Variants in HLA-DOB observed in about 807,000 individuals in gnomAD.
HLA-DOB encodes major histocompatibility complex, class II, DO beta.
HLA-DOB carries 25 observed loss-of-function variants against 27.7 expected under a neutral mutation model. The observed-to-expected ratio is 0.90, with a 90% confidence interval of 0.66 to 1.26. The LOEUF is 1.26. Among genes scored for constraint, HLA-DOB ranks in the 50% most tolerant of loss-of-function variants. HLA-DOB has a pLI of 0.00. For missense variants in HLA-DOB, 306 were observed against 324.9 expected, an observed-to-expected ratio of 0.94 and a Z score of 0.45; for synonymous variants, 137 against 125.6, an observed-to-expected ratio of 1.09 and a Z score of -0.61.
intron 1 of HLA-DOB, among the ~76,000 whole-genome samples, chr6:32,816,653 T>G (rs1209317577): frequency 6.6e-6 from 1 of 152,164 alleles, no homozygotes; most frequent in Admixed American, 6.5e-5. Context: ...CCTGCCTCCC[T>G]ACCCCTTGAA....
chr6:32,813,878 TAAAGCAC>T, intron 3 of HLA-DOB, 45 bp from the exon 4 acceptor site: 2 of 1,172,922 alleles, frequency 1.7e-6, no homozygotes, highest in Non-Finnish European at 2.5e-6. Context: ...TCCCAATATT[TAAAGCAC>T]TTTCTTGGAA....
Position 32,814,376 on chromosome 6 carries a change from A to T in HLA-DOB, c.587T>A (p.Val196Asp), listed in dbSNP as rs762756450. 2.5e-6 allele frequency: 4 copies of T among 1,613,072 alleles called. No individual in the cohort carries two copies. The Admixed American group carries it at 6.7e-5, about 27-fold the overall frequency. ...MLEMTPELGH[V>D]YTCLVDHSSL... ...GGAGTGATCGACAAGGCAGGTGTAGACATGTCCAAGTTCAGGAGTCATTTC... is the reference window on the plus strand; with the variant it reads ...GGAGTGATCGACAAGGCAGGTGTAGTCATGTCCAAGTTCAGGAGTCATTTC... The change falls in exon 3 of 6, where the codon GTC becomes GAC. Residue 196 changes from valine (V) to aspartate (D), a missense_variant. Val to Asp is a radical substitution (Grantham distance 152). Transcript: ENST00000438763.
At position 32,814,319 on chromosome 6, in the gene HLA-DOB, C is replaced by T; in HGVS notation, c.643+1G>A. On this transcript the variant is annotated splice_donor_variant, in intron 3 of 5. Transcript: ENST00000438763. LOFTEE classifies it high-confidence loss of function. ...AGAGAGTACTAGAAACTAATTCTCACTCCACTCCACAGAAACAGGGCTCAG... is the reference window on the plus strand; with the variant it reads ...AGAGAGTACTAGAAACTAATTCTCATTCCACTCCACAGAAACAGGGCTCAG... 1 of 1,612,756 alleles carries T rather than the reference C, an allele frequency of 6.2e-7. No homozygotes were observed. The highest frequency in any genetic ancestry group is 8.5e-7 in the Non-Finnish European group (1 of 1,179,846).
intron 1 of HLA-DOB, among the ~76,000 whole-genome samples, chr6:32,816,399 TG>T (rs1284461726): frequency 6.6e-6 from 1 of 152,222 alleles, no homozygotes; most frequent in African/African-American, 2.4e-5. Context: ...AATATAATAG[TG>T]GCTTAATAAA....
Position 32,814,466 on chromosome 6 carries a change from G to A in HLA-DOB, c.497C>T (p.Ala166Val). 6.2e-7 allele frequency: 1 copy of A among 1,613,058 alleles called. No homozygotes were observed. Among genetic ancestry groups the A allele is most frequent in the Non-Finnish European group, 8.5e-7 (1 of 1,180,024 alleles). ...KWFLNGQEER[A>V]GVMSTGPIRN... ...GATAGGGCCAGTGGACATGACCCCA[G>A]CTCTCTCCTCCTGCCCATTCAGGAA... Residue 166 changes from alanine to valine, a missense_variant, in exon 3 of 6, where the codon GCT becomes GTT. Transcript: ENST00000438763.
intron 3 of HLA-DOB, 152 bp from the exon 4 acceptor site, chr6:32,813,985 C>T: frequency 1.6e-6 from 1 of 641,626 alleles, no homozygotes; most frequent in Non-Finnish European, 2.7e-6. Flanking sequence ...AAAGTTGGCA[C>T]CCATGGAGTT....
Position 32,814,401 on chromosome 6 carries a change from C to T in HLA-DOB, c.562G>A (p.Glu188Lys). The change falls in exon 3 of 6, where the codon GAA becomes AAA. Residue 188 changes from glutamate to lysine, a missense_variant. Coordinates refer to ENST00000438763, the MANE Select transcript of HLA-DOB (RefSeq NM_002120.4). ...DWTFQTVVML[E>K]MTPELGHVYT... ...ACATGTCCAAGTTCAGGAGTCATTT[C>T]TAGCATCACCACAGTCTGAAAGGTC... The T allele has an allele frequency of 6.2e-7, 1 of 1,613,004 alleles. No individual in the cohort carries two copies. The highest frequency in any genetic ancestry group is 8.5e-7 in the Non-Finnish European group (1 of 1,179,978).
intron 1 of HLA-DOB, among the ~76,000 whole-genome samples, chr6:32,815,807 G>C (rs1428443045): frequency 2.6e-5 from 4 of 152,218 alleles, no homozygotes; most frequent in African/African-American, 9.6e-5. Context: ...GTCAAGACTT[G>C]AAAGATAATT....
chr6:32,816,119 G>A (rs2621326), intron 1 of HLA-DOB, among the ~76,000 whole-genome samples: 66,259 of 151,908 alleles, frequency 0.44, 14,643 homozygotes, highest in East Asian at 0.6. Context: ...TCTATTCTCT[G>A]AGAATAATGA....
chr6:32,813,596 A>G (rs1767890809), intron 4 of HLA-DOB, 125 bp from the exon 5 acceptor site: 2 of 1,275,360 alleles, frequency 1.6e-6, no homozygotes, highest in Non-Finnish European at 2.3e-6. Flanking sequence ...AGCTTCAGAA[A>G]AAAATTATCC....
intron 4 of HLA-DOB, 94 bp from the exon 5 acceptor site, chr6:32,813,565 C>T: frequency 2.1e-6 from 3 of 1,396,744 alleles, no homozygotes; most frequent in Non-Finnish European, 3.0e-6. Context: ...GGTCAGCACT[C>T]TCTCTGCTTA....
At chr6:32,814,840 C>T (rs189949229) in intron 2 of HLA-DOB, among the ~76,000 whole-genome samples, 179 of 152,258 alleles carry the variant, frequency 1.2e-3, no homozygotes, top group African/African-American at 4.1e-3. Context: ...CAATAGCCCT[C>T]GAAGTCCCTG....
intron 5 of HLA-DOB, 80 bp from the exon 6 acceptor site, chr6:32,813,331 C>T (rs1767877779): frequency 6.3e-7 from 1 of 1,591,678 alleles, no homozygotes; most frequent in Non-Finnish European, 8.6e-7. Context: ...GGGACAGTCC[C>T]ATCCAGACAG....
rs757426122 is a variant in HLA-DOB, at chr6:32,816,930, A to G, written c.22T>C (p.Trp8Arg). 1.2e-5 allele frequency: 20 copies of G among 1,612,846 alleles called. No homozygotes were observed. Among genetic ancestry groups the G allele is most frequent in the Admixed American group, 6.7e-5 (4 of 60,014 alleles). Residue 8 changes from tryptophan to arginine, a missense_variant, in exon 1 of 6, where the codon TGG becomes CGG. Physicochemically the swap from Trp to Arg is moderately radical, Grantham distance 101. Transcript: ENST00000438763. MGSGWVPWVVALLVNLTR... is the reference protein window; with the variant it reads MGSGWVPRVVALLVNLTR... ...AGATTCACTAGCAGAGCCACCACCC[A>G]GGGGACCCACCCAGAACCCATTCTG...
chr6:32,813,460 T>G lies in HLA-DOB; in HGVS notation c.766A>C (p.Thr256Pro). The stretch of plus-strand genomic sequence containing the variant: ...ATTACCTCATTACCAGACATCTGCG[T>G]CCTCACATATCCTGGAAAGAAATCG... ...QLRAQKGYVR[T>P]QMSGNEVSRA... Residue 256 changes from threonine (T) to proline (P), a missense_variant, in exon 5 of 6, where the codon ACG (threonine) becomes CCG (proline). By Grantham distance (38) the Thr-to-Pro change is conservative. Coordinates refer to ENST00000438763, the MANE Select transcript of HLA-DOB (RefSeq NM_002120.4). The G allele has an allele frequency of 6.2e-7, 1 of 1,613,084 alleles. No homozygotes were observed. Among genetic ancestry groups the G allele is most frequent in the Non-Finnish European group, 8.5e-7 (1 of 1,179,984 alleles).
chr6:32,813,606 C>T lies in HLA-DOB; in HGVS notation c.754+117G>A, dbSNP rs563917458. On this transcript the variant is annotated intron_variant, in intron 4 of 5. Transcript: ENST00000438763. ...TTTCTAGCTTCAGAAAAAAATTATC[C>T]CGGTGATCCCTGAGAGGCACAATCA... 4.6e-5 allele frequency: 55 copies of T among 1,208,618 alleles called. No homozygotes were observed. In the Admixed American group the frequency reaches 8.8e-4, roughly 19 times the overall value. 74.9% of individuals were successfully genotyped at this position (1,208,618 alleles called of 1,614,324 possible). A position where few individuals can be genotyped will look rare whatever the true frequency, so the allele number is the denominator to read the frequency against.
chr6:32,815,397 T>C (rs1012985400), intron 1 of HLA-DOB, 84 bp from the exon 2 acceptor site: 5 of 1,484,482 alleles, frequency 3.4e-6, no homozygotes, highest in Non-Finnish European at 4.7e-6. Flanking sequence ...ACCACATGGA[T>C]CTAAGAGGAG....
At chr6:32,815,439 G>A (rs527848627) in intron 1 of HLA-DOB, 126 bp from the exon 2 acceptor site, 2 of 878,952 alleles carry the variant, frequency 2.3e-6, no homozygotes, top group East Asian at 4.8e-5. Context: ...AAAAAGCACA[G>A]TGTCAAGTGA....
chr6:32,816,380 A>C (rs768122071), intron 1 of HLA-DOB, among the ~76,000 whole-genome samples: 48 of 152,214 alleles, frequency 3.2e-4, no homozygotes, highest in Non-Finnish European at 6.5e-4. Context: ...TGTTTAGTAC[A>C]ATTCTGACAA....
Sources: allele counts gnomAD v4.1 joint callset (sites outside exome capture counted in the v4.1 genomes callset), GRCh38; gene constraint gnomAD v4.1.1; transcripts MANE v1.5; gene names NCBI Gene and HGNC (gene_info 2026-07-23, HGNC 2026-07-21).